Variants in CCDC91 observed in about 807,000 individuals in gnomAD.
CCDC91 encodes the protein coiled-coil domain containing 91.
In CCDC91, 48 loss-of-function variants were observed where a neutral mutation model predicts 63.2. The observed-to-expected ratio is 0.76, with a 90% CI of 0.60 to 0.97. The LOEUF (loss-of-function observed/expected upper bound fraction) is 0.97. Ranked by LOEUF, CCDC91 falls within the 50% of genes least tolerant of loss-of-function variation. CCDC91 has a pLI of 0.00. For missense variants in CCDC91, 500 were observed against 494.6 expected, an observed-to-expected ratio of 1.01 and a Z score of -0.10; for synonymous variants, 167 against 165.8, an observed-to-expected ratio of 1.01 and a Z score of -0.06.
intron 3 of CCDC91, among the ~76,000 whole-genome samples, chr12:28,286,410 C>T (rs569476929): frequency 6.6e-6 from 1 of 152,184 alleles, no homozygotes; most frequent in South Asian, 2.1e-4. Context: ...TGTTTCTCTC[C>T]ATGTGTTCTC....
chr12:28,311,178 C>T (rs1309296317), intron 6 of CCDC91, among the ~76,000 whole-genome samples: 1 of 151,954 alleles, frequency 6.6e-6, no homozygotes, highest in African/African-American at 2.4e-5. Flanking sequence ...CTGCCTTACT[C>T]CTGAGATAAG....
chr12:28,362,280 T>TTATATATATATATA lies in CCDC91; in HGVS notation c.577-156_577-143dup, dbSNP rs71438746. ...TTCTCCAATGCTTTTAAGCAAAGCT[T>TTATATATATATATA]TATATATATATATATGTTTTCTCTT... is the stretch of plus-strand genomic sequence containing the variant. On this transcript the variant is annotated intron_variant, in intron 6 of 12. Transcript: ENST00000536442. Among the ~76,000 whole-genome samples the TTATATATATATATA allele has an allele frequency of 6.6e-3, 873 of 131,782 alleles. 33 individuals are homozygous for TTATATATATATATA. The highest frequency in any genetic ancestry group is 0.018 in the African/African-American group (711 of 39,630). The allele number at this position is 131,782 out of a possible 152,430, so 86.5% of individuals were successfully genotyped here.
intron 1 of CCDC91, among the ~76,000 whole-genome samples, chr12:28,241,047 G>A (rs1945300341): frequency 6.6e-6 from 1 of 152,134 alleles, no homozygotes; most frequent in Admixed American, 6.5e-5. Context: ...ATCCTTGCCA[G>A]CATTTGGTAT....
intron 12 of CCDC91, among the ~76,000 whole-genome samples, chr12:28,545,260 C>T (rs1217328725): frequency 6.6e-6 from 1 of 151,972 alleles, no homozygotes; most frequent in East Asian, 1.9e-4. Flanking sequence ...AGTCCCATAC[C>T]TTAAGGAGCA....
At chr12:28,496,933 T>C (rs1211820715) in intron 12 of CCDC91, among the ~76,000 whole-genome samples, 2 of 139,180 alleles carry the variant, frequency 1.4e-5, no homozygotes, top group African/African-American at 2.6e-5. Flanking sequence ...TATATATACA[T>C]ATATATATAC....
At chr12:28,214,048 C>G (rs1943408314) in intron 1 of CCDC91, among the ~76,000 whole-genome samples, 1 of 152,104 alleles carries the variant, frequency 6.6e-6, no homozygotes, top group African/African-American at 2.4e-5. Flanking sequence ...TCTCTAGTGA[C>G]TTGCTAGCAA....
At chr12:28,493,440 T>C (rs1288048339) in intron 12 of CCDC91, among the ~76,000 whole-genome samples, 2 of 151,714 alleles carry the variant, frequency 1.3e-5, no homozygotes, top group South Asian at 2.1e-4. Context: ...CCCAGATAAA[T>C]TGGGAAGAAA....
intron 8 of CCDC91, among the ~76,000 whole-genome samples, chr12:28,446,226 T>C (rs907522048): frequency 4.6e-5 from 7 of 152,112 alleles, no homozygotes; most frequent in Admixed American, 2.6e-4. Context: ...CAAGAGAAAA[T>C]GTTCATAGAA....
intron 1 of CCDC91, among the ~76,000 whole-genome samples, chr12:28,250,308 A>T (rs1321156459): frequency 6.6e-6 from 1 of 152,150 alleles, no homozygotes; most frequent in Non-Finnish European, 1.5e-5. Flanking sequence ...ATGTTTTCCT[A>T]TTGGATCATT....
intron 12 of CCDC91, among the ~76,000 whole-genome samples, chr12:28,510,946 T>G (rs551841366): frequency 1.3e-5 from 2 of 151,984 alleles, no homozygotes; most frequent in African/African-American, 4.8e-5. Flanking sequence ...AGACTTTCTT[T>G]TCTCAATAAA....
chr12:28,347,038 A>G (rs1321696444), intron 6 of CCDC91, among the ~76,000 whole-genome samples: 1 of 152,180 alleles, frequency 6.6e-6, no homozygotes, highest in Non-Finnish European at 1.5e-5. Flanking sequence ...ATATATGTAT[A>G]TATCATAATA....
chr12:28,299,096 G>C (rs1421451985), intron 3 of CCDC91, among the ~76,000 whole-genome samples: 1 of 151,512 alleles, frequency 6.6e-6, no homozygotes, highest in East Asian at 1.9e-4. Context: ...CCTAGGGAAG[G>C]ATTTTGTGGA....
chr12:28,336,991 T>C (rs1437372914), intron 6 of CCDC91, among the ~76,000 whole-genome samples: 1 of 152,164 alleles, frequency 6.6e-6, no homozygotes, highest in Non-Finnish European at 1.5e-5. Context: ...ATAATAAAAT[T>C]GTCAATAGCT....
chr12:28,311,859 C>T (rs1320368827), intron 6 of CCDC91, among the ~76,000 whole-genome samples: 1 of 151,700 alleles, frequency 6.6e-6, no homozygotes, highest in Non-Finnish European at 1.5e-5. Flanking sequence ...GTTGGTGTTT[C>T]CTGGTTGCTG....
chr12:28,517,275 A>G (rs1940056023), intron 12 of CCDC91, among the ~76,000 whole-genome samples: 1 of 151,988 alleles, frequency 6.6e-6, no homozygotes, highest in Non-Finnish European at 1.5e-5. Context: ...GAAGTGCCAA[A>G]AGCTTGAACT....
chr12:28,254,772 C>CTTT (rs34812000), intron 1 of CCDC91, among the ~76,000 whole-genome samples: 6 of 128,822 alleles, frequency 4.7e-5, no homozygotes, highest in South Asian at 2.4e-4. Flanking sequence ...GTATCATCTG[C>CTTT]TTTTTTTTTT....
intron 12 of CCDC91, among the ~76,000 whole-genome samples, chr12:28,500,838 A>G (rs1937736011): frequency 6.6e-6 from 1 of 151,640 alleles, no homozygotes; most frequent in Non-Finnish European, 1.5e-5. Flanking sequence ...TCCCCCTATT[A>G]TCTCTGAAGC....
At chr12:28,477,112 CTCATTT>C (rs1951141913) in intron 11 of CCDC91, among the ~76,000 whole-genome samples, 1 of 152,168 alleles carries the variant, frequency 6.6e-6, no homozygotes. Context: ...TCCTGCCTAA[CTCATTT>C]TATGAGGCCA....
intron 1 of CCDC91, among the ~76,000 whole-genome samples, chr12:28,227,337 T>C (rs1454885091): frequency 6.6e-6 from 1 of 152,176 alleles, no homozygotes; most frequent in African/African-American, 2.4e-5. Flanking sequence ...GCATGGATGA[T>C]GACCATGGAT....
Sources: allele counts gnomAD v4.1 joint callset (sites outside exome capture counted in the v4.1 genomes callset), GRCh38; gene constraint gnomAD v4.1.1; transcripts MANE v1.5; gene names NCBI Gene and HGNC (gene_info 2026-07-23, HGNC 2026-07-21).